The following FBLN7 variants were observed in gnomAD, a reference collection of about 807,000 sequenced individuals.
The protein encoded by FBLN7 is fibulin 7.
FBLN7 carries 31 observed loss-of-function variants against 44.0 expected under a neutral mutation model. The ratio of observed to expected loss-of-function variants is 0.70; its 90% CI spans 0.53 to 0.95. FBLN7 has a LOEUF of 0.95. Among genes scored for constraint, FBLN7 ranks in the 40% least tolerant of loss-of-function variants. FBLN7 has a pLI of 0.00. For synonymous variants in FBLN7, 262 were observed against 253.4 expected (o/e 1.03, Z -0.32); for missense variants, 573 against 618.5 (o/e 0.93, Z 0.78).
intron 6 of FBLN7, among the ~76,000 whole-genome samples, chr2:112,184,805 TAC>T (rs1683180677): frequency 8.7e-6 from 1 of 114,468 alleles, no homozygotes; most frequent in African/African-American, 3.1e-5. Flanking sequence ...ATACCATATA[TAC>T]ATATATATAT....
intron 1 of FBLN7, among the ~76,000 whole-genome samples, chr2:112,146,761 T>C (rs922965950): frequency 6.6e-6 from 1 of 152,136 alleles, no homozygotes; most frequent in African/African-American, 2.4e-5. Flanking sequence ...ATTAGAGCAG[T>C]TTTACTTCTT....
chr2:112,143,656 T>C (rs192433246), intron 1 of FBLN7, among the ~76,000 whole-genome samples: 37 of 152,334 alleles, frequency 2.4e-4, no homozygotes, highest in African/African-American at 8.7e-4. Flanking sequence ...TGCTGCTCTT[T>C]GAAGTCACAC....
intron 1 of FBLN7, chr2:112,152,906 ATAAG>A (rs1205982479): frequency 1.3e-5 from 2 of 152,192 alleles, no homozygotes; most frequent in Non-Finnish European, 2.9e-5. Context: ...CCATATATTA[ATAAG>A]TATGTTATAT....
the FBLN7 span, among the ~76,000 whole-genome samples, chr2:112,202,834 T>G: frequency 6.6e-6 from 1 of 152,018 alleles, no homozygotes; most frequent in Non-Finnish European, 1.5e-5. Flanking sequence ...AGTTGGGAGC[T>G]TCTCAAAAAC....
chr2:112,219,646 G>A, the FBLN7 span, among the ~76,000 whole-genome samples: 1 of 151,924 alleles, frequency 6.6e-6, no homozygotes, highest in Non-Finnish European at 1.5e-5. Context: ...GTGTGAGTGG[G>A]GTGATTTTTT....
At chr2:112,220,852 T>C in the FBLN7 span, among the ~76,000 whole-genome samples, 1 of 152,122 alleles carries the variant, frequency 6.6e-6, no homozygotes, top group Admixed American at 6.5e-5. Flanking sequence ...CCTTTGTAGG[T>C]GACCTGCCTC....
chr2:112,142,123 C>T (rs1414028089), intron 1 of FBLN7, among the ~76,000 whole-genome samples: 1 of 152,184 alleles, frequency 6.6e-6, no homozygotes, highest in Admixed American at 6.5e-5. Flanking sequence ...CTTCTCCACC[C>T]TCAACCCTGT....
At chr2:112,157,294 C>T (rs561453731) in intron 1 of FBLN7, among the ~76,000 whole-genome samples, 6 of 152,144 alleles carry the variant, frequency 3.9e-5, no homozygotes, top group South Asian at 2.1e-4. Flanking sequence ...CACTTGAACC[C>T]GGGAGGTGGA....
chr2:112,205,702 C>T, the FBLN7 span, among the ~76,000 whole-genome samples: 1 of 152,112 alleles, frequency 6.6e-6, no homozygotes, highest in African/African-American at 2.4e-5. Flanking sequence ...TCACCAGTAT[C>T]ACACTATCTT....
In FBLN7 at chr2:112,182,825, G is replaced by T. The variant is rs79906489; in HGVS notation, c.705G>T (p.Gly235=). Residue 235 remains glycine, a synonymous_variant, in exon 6 of 8, where the codon GGG becomes GGT. Transcript: ENST00000331203. ...AGTGTGAGCTCTACGGGCAGGAGGG[G>T]CGCCCCCGGCTCTGCATGCACGCCT... The part of the protein sequence containing the change: ...VNECELYGQE[G]RPRLCMHACV... 6.2e-7 allele frequency: 1 copy of T among 1,610,488 alleles called. No individual in the cohort carries two copies. The highest frequency in any genetic ancestry group is 8.5e-7 in the Non-Finnish European group (1 of 1,178,816).
intron 2 of FBLN7, among the ~76,000 whole-genome samples, chr2:112,161,368 T>C (rs553399157): frequency 6.6e-6 from 1 of 152,230 alleles, no homozygotes; most frequent in East Asian, 1.9e-4. Flanking sequence ...CTGAGTCCGT[T>C]CCTGTTTTCC....
At chr2:112,235,884 T>C in the FBLN7 span, among the ~76,000 whole-genome samples, 1 of 151,604 alleles carries the variant, frequency 6.6e-6, no homozygotes, top group Admixed American at 6.6e-5. Flanking sequence ...CTCATGACTA[T>C]TTGATCTTCT....
chr2:112,147,991 C>T lies in FBLN7; in HGVS notation c.75+9261C>T, dbSNP rs1039339002. 5.3e-5 allele frequency among the ~76,000 whole-genome samples: 8 copies of T among 152,226 alleles called. No individual in the cohort carries two copies. The South Asian group carries it at 8.3e-4, about 16-fold the overall frequency. On this transcript the variant is annotated intron_variant, in intron 1 of 7. Coordinates refer to ENST00000331203, the MANE Select transcript of FBLN7 (RefSeq NM_153214.3). ...GAGGAAAGCTGACCCGCGCTCTCTC[C>T]GACTCACTGCCCGCCAGCTCTCCTC...
At chr2:112,231,673 T>G in the FBLN7 span, among the ~76,000 whole-genome samples, 1 of 152,210 alleles carries the variant, frequency 6.6e-6, no homozygotes, top group African/African-American at 2.4e-5. Context: ...AGGAAACATA[T>G]ACAAATGAAA....
rs781615983 is a variant in FBLN7 at position 112,187,495 on chromosome 2, T to C, written c.1309T>C (p.Tyr437His). 1 of 1,614,046 alleles carries C rather than the reference T, an allele frequency of 6.2e-7. No individual in the cohort carries two copies. The highest frequency in any genetic ancestry group is 1.7e-5 in the Admixed American group (1 of 60,012). ...VSKVTIFVSP[Y>H]DF The stretch of plus-strand genomic sequence containing the variant: ...CAAGGTCACCATCTTTGTATCCCCC[T>C]ATGACTTCTGAGGGTACACAGGGGC... Residue 437 changes from tyrosine (Y) to histidine (H), a missense_variant, in exon 8 of 8, where the codon TAT becomes CAT. Transcript: ENST00000331203. The surrounding 1 kb of genome is among the most constrained non-coding windows in gnomAD (Gnocchi z 5.1).
At chr2:112,242,946 C>T in the FBLN7 span, among the ~76,000 whole-genome samples, 1 of 152,172 alleles carries the variant, frequency 6.6e-6, no homozygotes, top group African/African-American at 2.4e-5. Flanking sequence ...TGATTGATTA[C>T]AGCAAAGAAA....
At chr2:112,204,603 G>A in the FBLN7 span, among the ~76,000 whole-genome samples, 14 of 152,206 alleles carry the variant, frequency 9.2e-5, no homozygotes, top group East Asian at 1.7e-3. Context: ...AGAGTAACAG[G>A]TCACTTCTCA....
At position 112,138,708 on chromosome 2, in the gene FBLN7, G is replaced by A. The variant is rs1217406061; in HGVS notation, c.53G>A (p.Cys18Tyr). The change falls in exon 1 of 8, where the codon TGC (cysteine) becomes TAC (tyrosine). Residue 18 changes from cysteine to tyrosine, a missense_variant. By Grantham distance (194) the Cys-to-Tyr change is radical. Coordinates refer to ENST00000331203, the MANE Select transcript of FBLN7 (RefSeq NM_153214.3). ...ALFLLLLILA[C>Y]PEPRASQNCL... Reference sequence around the variant, plus strand: ...TTCCTTCTGCTCCTGATCCTCGCCTGCCCCGAGCCGCGGGCTTCCCAGGTC... The same window carrying A: ...TTCCTTCTGCTCCTGATCCTCGCCTACCCCGAGCCGCGGGCTTCCCAGGTC... 2.5e-6 allele frequency: 4 copies of A among 1,612,792 alleles called. No homozygotes were observed. The highest frequency in any genetic ancestry group is 2.2e-5 in the East Asian group (1 of 44,834).
At chr2:112,149,968 G>A (rs1397514468) in intron 1 of FBLN7, among the ~76,000 whole-genome samples, 2 of 152,242 alleles carry the variant, frequency 1.3e-5, no homozygotes, top group African/African-American at 4.8e-5. Flanking sequence ...GTGGGGCTGG[G>A]TGCCTAAGTA....
Sources: gnomAD v4.1 joint callset for allele counts (sites outside exome capture counted in the v4.1 genomes callset) on GRCh38, gnomAD v4.1.1 for gene constraint, Gnocchi (gnomAD v3.1) non-coding constraint, MANE v1.5 for transcripts, NCBI Gene and HGNC (gene_info 2026-07-23, HGNC 2026-07-21) for gene names.